The following MACROD2 variants were observed in gnomAD, a reference collection of about 807,000 sequenced individuals.
MACROD2 encodes the protein ADP-ribose glycohydrolase MACROD2.
Under a neutral mutation model 70.4 loss-of-function variants are expected in MACROD2, and 36 were observed. The observed-to-expected ratio is 0.51, with a 90% CI of 0.39 to 0.68. The LOEUF is 0.68. Ranked by LOEUF, MACROD2 falls within the 30% of genes least tolerant of loss-of-function variation. The pLI is 0.00. For synonymous variants in MACROD2, 172 were observed against 178.8 expected, an observed-to-expected ratio of 0.96 and a Z score of 0.30; for missense variants, 496 against 538.4, an observed-to-expected ratio of 0.92 and a Z score of 0.78.
chr20:14,708,910 G>A (rs2071303886), intron 5 of MACROD2, among the ~76,000 whole-genome samples: 1 of 152,170 alleles, frequency 6.6e-6, no homozygotes, highest in South Asian at 2.1e-4. Flanking sequence ...GAGCCACCGT[G>A]CCTGACCTGA....
intron 3 of MACROD2, among the ~76,000 whole-genome samples, chr20:14,228,012 GTAT>G (rs1342693764): frequency 2.6e-5 from 4 of 152,162 alleles, no homozygotes; most frequent in Non-Finnish European, 4.4e-5. Context: ...CAAGATAATA[GTAT>G]TATGTCAATG....
intron 6 of MACROD2, among the ~76,000 whole-genome samples, chr20:15,402,282 G>C (rs950381361): frequency 2.0e-5 from 3 of 152,142 alleles, no homozygotes; most frequent in Non-Finnish European, 4.4e-5. Flanking sequence ...GAGGCAAGAG[G>C]AAGTTAAAAG....
At chr20:14,991,929 CTCCATCCA>C (rs892688308) in intron 5 of MACROD2, among the ~76,000 whole-genome samples, 1 of 152,012 alleles carries the variant, frequency 6.6e-6, no homozygotes, top group Non-Finnish European at 1.5e-5. Context: ...CCATCCAACT[CTCCATCCA>C]TCCATCCATC....
At chr20:14,394,827 C>G (rs1191893599) in intron 3 of MACROD2, among the ~76,000 whole-genome samples, 1 of 152,038 alleles carries the variant, frequency 6.6e-6, no homozygotes, top group African/African-American at 2.4e-5. Context: ...TTGTCAAATG[C>G]TTTTATGCAT....
At chr20:15,547,427 A>G (rs919456511) in intron 8 of MACROD2, among the ~76,000 whole-genome samples, 4 of 152,176 alleles carry the variant, frequency 2.6e-5, no homozygotes, top group Admixed American at 6.5e-5. Flanking sequence ...CAATCTGTCC[A>G]TGATGACAAG....
chr20:14,915,656 T>A (rs2074082936), intron 5 of MACROD2, among the ~76,000 whole-genome samples: 1 of 152,204 alleles, frequency 6.6e-6, no homozygotes, highest in Non-Finnish European at 1.5e-5. Flanking sequence ...GGGTAACTAC[T>A]GGCACCTGCA....
intron 5 of MACROD2, among the ~76,000 whole-genome samples, chr20:14,981,546 T>C (rs936140325): frequency 6.6e-6 from 1 of 151,954 alleles, no homozygotes; most frequent in African/African-American, 2.4e-5. Flanking sequence ...CCACCTGTTG[T>C]GGGAGAGACC....
chr20:14,548,942 C>T (rs1300559907), intron 4 of MACROD2, among the ~76,000 whole-genome samples: 1 of 152,126 alleles, frequency 6.6e-6, no homozygotes, highest in Non-Finnish European at 1.5e-5. Flanking sequence ...GGAGCTATCC[C>T]ACCTGAAGGG....
intron 5 of MACROD2, among the ~76,000 whole-genome samples, chr20:15,114,411 A>T (rs917734802): frequency 6.6e-6 from 1 of 152,158 alleles, no homozygotes; most frequent in Admixed American, 6.5e-5. Context: ...TGAAGCTGCC[A>T]TATTATGAGA....
chr20:16,023,473 CAAAAAA>C (rs60347463), intron 15 of MACROD2, among the ~76,000 whole-genome samples: 109 of 71,444 alleles, frequency 1.5e-3, no homozygotes, highest in Non-Finnish European at 1.8e-3. Context: ...GACTCCATCT[CAAAAAA>C]AAAAAAAAAA....
At chr20:14,790,275 A>C (rs897898769) in intron 5 of MACROD2, among the ~76,000 whole-genome samples, 10 of 151,994 alleles carry the variant, frequency 6.6e-5, no homozygotes, top group African/African-American at 1.9e-4. Context: ...TTAAAAAAAA[A>C]ACAAATATTT....
At chr20:15,821,521 A>G (rs1340005544) in intron 8 of MACROD2, among the ~76,000 whole-genome samples, 4 of 152,128 alleles carry the variant, frequency 2.6e-5, no homozygotes, top group Admixed American at 6.6e-5. Context: ...GCTAACTTTT[A>G]GTTTTCTTAT....
chr20:15,845,495 G>T (rs6079988), intron 8 of MACROD2, among the ~76,000 whole-genome samples: 4,863 of 151,696 alleles, frequency 0.032, 120 homozygotes, highest in Non-Finnish European at 0.049. Flanking sequence ...TCAAGGAAAT[G>T]AGTCGTGGAA....
At chr20:15,770,989 AGGAG>A (rs758045380) in intron 8 of MACROD2, among the ~76,000 whole-genome samples, 37 of 152,282 alleles carry the variant, frequency 2.4e-4, no homozygotes, top group African/African-American at 8.9e-4. Context: ...GTCCACGGGT[AGGAG>A]GGATTTGGAA....
At chr20:15,166,500 G>T (rs2076384925) in intron 5 of MACROD2, among the ~76,000 whole-genome samples, 1 of 152,020 alleles carries the variant, frequency 6.6e-6, no homozygotes, top group African/African-American at 2.4e-5. Context: ...AATTTCCATT[G>T]TTTATAAGTC....
intron 5 of MACROD2, among the ~76,000 whole-genome samples, chr20:14,926,249 T>A (rs168480): frequency 0.042 from 6,430 of 152,100 alleles, 181 homozygotes; most frequent in Non-Finnish European, 0.063. Flanking sequence ...AAGCAGTTTT[T>A]AAAAAAATAG....
Position 14,529,826 on chromosome 20 carries a change from A to G in MACROD2, c.301+36318A>G, listed in dbSNP as rs146058784. Among the ~76,000 whole-genome samples the G allele has an allele frequency of 2.5e-3, 384 of 152,322 alleles. 3 individuals are homozygous for G. Among genetic ancestry groups the G allele is most frequent in the African/African-American group, 8.9e-3 (372 of 41,574 alleles). On this transcript the variant is annotated intron_variant, in intron 4 of 17. Coordinates refer to ENST00000684519, the MANE Select transcript of MACROD2 (RefSeq NM_001351661.2). ...TCTCATTTTTAATATTAGTATATCA[A>G]TGTTTAATATATGGCAGTGGTTTCA...
intron 5 of MACROD2, among the ~76,000 whole-genome samples, chr20:14,775,868 GA>G (rs202180256): frequency 3.3e-5 from 5 of 150,450 alleles, no homozygotes; most frequent in African/African-American, 4.9e-5. Context: ...TGGGAACTGT[GA>G]AAAAAAAAGA....
chr20:14,715,678 G>T (rs2071389420), intron 5 of MACROD2, among the ~76,000 whole-genome samples: 1 of 152,118 alleles, frequency 6.6e-6, no homozygotes, highest in Admixed American at 6.5e-5. Context: ...CAAGCTCTCT[G>T]AGCCCTGGGA....
Sources: gnomAD v4.1 joint callset for allele counts (sites outside exome capture counted in the v4.1 genomes callset) on GRCh38, gnomAD v4.1.1 for gene constraint, MANE v1.5 for transcripts, NCBI Gene and HGNC (gene_info 2026-07-23, HGNC 2026-07-21) for gene names.